The following MYO18B variants were observed in gnomAD, a reference collection of about 807,000 sequenced individuals.
The protein encoded by MYO18B is myosin XVIIIB.
MYO18B carries 204 observed loss-of-function variants against 273.0 expected under a neutral mutation model. That is an observed-to-expected ratio of 0.75 (90% confidence interval 0.67 to 0.84). The LOEUF (loss-of-function observed/expected upper bound fraction) is 0.84. Ranked by LOEUF, MYO18B falls within the 40% of genes least tolerant of loss-of-function variation. The pLI is 0.00. For synonymous variants in MYO18B, 1,330 were observed against 1,305.7 expected (o/e 1.02, Z -0.40); for missense variants, 3,212 against 3,287.6 (o/e 0.98, Z 0.56).
In MYO18B at chr22:25,874,339, G is replaced by A. The variant is rs756214241; in HGVS notation, c.4005G>A (p.Leu1335=). 2.5e-6 allele frequency: 4 copies of A among 1,613,934 alleles called. No homozygotes were observed. The highest frequency in any genetic ancestry group is 3.4e-6 in the Non-Finnish European group (4 of 1,179,872). Residue 1335 remains leucine (L), a synonymous_variant, in exon 23 of 44, where the codon CTG becomes CTA. Coordinates refer to ENST00000335473, the MANE Select transcript of MYO18B (RefSeq NM_032608.7). ...ISRLEKQREK[L]VSQSIVLFQA... The stretch of plus-strand genomic sequence containing the variant: ...GGCTTGAGAAGCAGCGAGAGAAGCT[G>A]GTATCTCAGAGCATCGTTCTCTTCC...
intron 12 of MYO18B, among the ~76,000 whole-genome samples, chr22:25,816,838 TATCTC>T (rs1196100587): frequency 1.3e-5 from 2 of 152,196 alleles, no homozygotes; most frequent in African/African-American, 4.8e-5. Context: ...CTTTTAGACT[TATCTC>T]TTCTCTACAG....
At chr22:25,966,576 C>T (rs894923463) in intron 39 of MYO18B, among the ~76,000 whole-genome samples, 1 of 152,334 alleles carries the variant, frequency 6.6e-6, no homozygotes, top group East Asian at 1.9e-4. Flanking sequence ...CCCGTTATCT[C>T]AGTGGGATCC....
At chr22:25,850,865 C>G (rs17632483) in intron 20 of MYO18B, among the ~76,000 whole-genome samples, 3,270 of 152,240 alleles carry the variant, frequency 0.021, 52 homozygotes, top group Non-Finnish European at 0.033. Context: ...TTTGGAAAAC[C>G]CTATGGCTTC....
chr22:25,947,919 C>A, intron 36 of MYO18B, 91 bp downstream of exon 36: 2 of 887,142 alleles, frequency 2.3e-6, no homozygotes, highest in Non-Finnish European at 3.7e-6. Flanking sequence ...GGACTACTCC[C>A]TGGTCTTAAC....
At chr22:26,060,691 T>C in the MYO18B span, among the ~76,000 whole-genome samples, 1 of 151,978 alleles carries the variant, frequency 6.6e-6, no homozygotes, top group Non-Finnish European at 1.5e-5. Context: ...TACACACATA[T>C]GTACATACAT....
intron 12 of MYO18B, among the ~76,000 whole-genome samples, chr22:25,798,383 CTT>C (rs2088024876): frequency 6.6e-6 from 1 of 152,116 alleles, no homozygotes; most frequent in Admixed American, 6.5e-5. Flanking sequence ...CTACTGAACA[CTT>C]ATATATAGTA....
intron 11 of MYO18B, among the ~76,000 whole-genome samples, chr22:25,788,858 G>A (rs1453891750): frequency 1.3e-5 from 2 of 152,154 alleles, no homozygotes; most frequent in African/African-American, 4.8e-5. Context: ...CCCAGTACCA[G>A]CGGTTAAGCT....
At chr22:26,044,391 T>C in the MYO18B span, among the ~76,000 whole-genome samples, 2 of 152,260 alleles carry the variant, frequency 1.3e-5, no homozygotes, top group African/African-American at 4.8e-5. Context: ...TTCTAAGAAA[T>C]CTTTGCCTTC....
At chr22:25,917,968 G>C (rs145901046) in intron 33 of MYO18B, among the ~76,000 whole-genome samples, 168 of 152,260 alleles carry the variant, frequency 1.1e-3, no homozygotes, top group African/African-American at 3.6e-3. Context: ...GTGAGGCTCG[G>C]AAAAGTAAAG....
intron 11 of MYO18B, among the ~76,000 whole-genome samples, chr22:25,789,060 TCTC>T (rs1248591466): frequency 2.2e-4 from 4 of 18,306 alleles, no homozygotes; most frequent in South Asian, 1.0e-3. Context: ...TTCTTCTCTT[TCTC>T]CTCCTCCTCC....
Position 25,970,498 on chromosome 22 carries a change from A to G in MYO18B, c.6156+15134A>G, listed in dbSNP as rs555752453. ...CCTTCTCCAGCCTTGTCTTGGCTGC[A>G]TTCCAGGTAAATGACTCGGAGCCCA... On this transcript the variant is annotated intron_variant, in intron 39 of 43. Transcript: ENST00000335473. Among the ~76,000 whole-genome samples, 24 of 152,222 alleles carry G rather than the reference A, an allele frequency of 1.6e-4. No individual in the cohort carries two copies. The South Asian group carries it at 2.5e-3, about 16-fold the overall frequency.
chr22:25,991,574 T>C (rs2093270901), intron 39 of MYO18B, among the ~76,000 whole-genome samples: 2 of 152,022 alleles, frequency 1.3e-5, no homozygotes, highest in African/African-American at 2.4e-5. Context: ...CCAGATAAAA[T>C]CCAATTAGAA....
intron 35 of MYO18B, among the ~76,000 whole-genome samples, 172 bp from the exon 36 acceptor site, chr22:25,947,540 A>ACACACACC (rs2092728885): frequency 7.1e-6 from 1 of 140,916 alleles, no homozygotes; most frequent in Non-Finnish European, 1.5e-5. Context: ...ACACACACAC[A>ACACACACC]CACCAAGCTG....
chr22:25,982,749 T>C (rs9620576), intron 39 of MYO18B, among the ~76,000 whole-genome samples: 17,200 of 152,194 alleles, frequency 0.11, 2,207 homozygotes, highest in African/African-American at 0.31. Flanking sequence ...ACCTGGAGAA[T>C]CCAGGACAAT....
the MYO18B span, among the ~76,000 whole-genome samples, chr22:26,039,605 T>TTTTTTG: frequency 0.079 from 11,786 of 149,782 alleles, 778 homozygotes; most frequent in African/African-American, 0.18. Context: ...GTTTTTAGGT[T>TTTTTTG]TTTTTGTTTT....
chr22:26,050,944 G>A, the MYO18B span, among the ~76,000 whole-genome samples: 4 of 152,182 alleles, frequency 2.6e-5, no homozygotes, highest in Admixed American at 6.6e-5. Context: ...ATGTTAAGAA[G>A]CAAGTATTGA....
At chr22:26,033,665 A>C (rs914384714), downstream of MYO18B, among the ~76,000 whole-genome samples, 1 of 152,000 alleles carries the variant, frequency 6.6e-6, no homozygotes, top group Non-Finnish European at 1.5e-5. Context: ...CCCCCAACCC[A>C]ACACAGCCTG....
intron 38 of MYO18B, 98 bp downstream of exon 38, chr22:25,952,521 G>A: frequency 6.9e-7 from 1 of 1,451,212 alleles, no homozygotes; most frequent in South Asian, 1.3e-5. Flanking sequence ...CTACTCACAT[G>A]CCTTCATCTA....
At chr22:25,835,548 C>T (rs749827703) in intron 17 of MYO18B, 105 bp downstream of exon 17, 1 of 1,407,940 alleles carries the variant, frequency 7.1e-7, no homozygotes, top group Non-Finnish European at 9.7e-7. Context: ...CACAGAGGCT[C>T]CAACGTGCAG....
Sources: gnomAD v4.1 joint callset for allele counts (sites outside exome capture counted in the v4.1 genomes callset) on GRCh38, gnomAD v4.1.1 for gene constraint, MANE v1.5 for transcripts, NCBI Gene and HGNC (gene_info 2026-07-23, HGNC 2026-07-21) for gene names.